DDX60: variants seen among roughly 807,000 people sequenced by gnomAD.
The protein encoded by DDX60 is DExD/H-box helicase 60, also known as probable ATP-dependent RNA helicase DDX60.
In DDX60, 165 loss-of-function variants were observed where a neutral mutation model predicts 212.8. The observed-to-expected ratio is 0.78, with a 90% CI of 0.68 to 0.88. The LOEUF (loss-of-function observed/expected upper bound fraction) is 0.88. DDX60 is among the 40% of genes least tolerant of loss of function. The probability of loss-of-function intolerance (pLI) is 0.00; values close to 1 mark genes in which losing one functional copy is unlikely to be tolerated. For missense variants in DDX60, 1,905 were observed against 2,003.9 expected (o/e 0.95, Z 0.94); for synonymous variants, 703 against 685.3 (o/e 1.03, Z -0.40).
At chr4:168,292,449 G>C (rs1384488232) in intron 7 of DDX60, among the ~76,000 whole-genome samples, 1 of 152,128 alleles carries the variant, frequency 6.6e-6, no homozygotes, top group African/African-American at 2.4e-5. Flanking sequence ...ATGGGAAGCT[G>C]CTGGCTTAAT....
At chr4:168,270,919 C>T (rs1735068812) in intron 19 of DDX60, among the ~76,000 whole-genome samples, 1 of 143,500 alleles carries the variant, frequency 7.0e-6, no homozygotes, top group African/African-American at 2.6e-5. Flanking sequence ...GCTCTGGTAC[C>T]CAGGCTGGAG....
chr4:168,285,953 G>A (rs57994689), intron 10 of DDX60, among the ~76,000 whole-genome samples: 34 of 125,628 alleles, frequency 2.7e-4, no homozygotes, highest in African/African-American at 7.5e-4. Flanking sequence ...GGAAGGGAGG[G>A]AGGGAAAGGA....
chr4:168,242,547 C>T lies in DDX60; in HGVS notation c.4164+3871G>A, dbSNP rs185232496. On this transcript the variant is annotated intron_variant, in intron 30 of 37. Transcript: ENST00000393743. ...TTTTGAGCTTTAAGATTTGACTTTC[C>T]CACTGGATTTTGGACTTGCATGGGG... Among the ~76,000 whole-genome samples, 16 of 152,246 alleles carry T rather than the reference C, an allele frequency of 1.1e-4. No individual in the cohort carries two copies. In the East Asian group the frequency reaches 1.9e-3, roughly 18 times the overall value.
chr4:168,244,804 A>T (rs966866458), intron 30 of DDX60, among the ~76,000 whole-genome samples: 1 of 152,116 alleles, frequency 6.6e-6, no homozygotes, highest in Non-Finnish European at 1.5e-5. Context: ...TAAAATCCAC[A>T]TTTGCATTAT....
chr4:168,284,346 A>G (rs908119859), intron 12 of DDX60, among the ~76,000 whole-genome samples: 1 of 152,156 alleles, frequency 6.6e-6, no homozygotes, highest in Admixed American at 6.5e-5. Context: ...GGATACAGAA[A>G]GTTGAGATGA....
chr4:168,297,510 T>C (rs1054431694), intron 6 of DDX60, among the ~76,000 whole-genome samples: 2 of 151,582 alleles, frequency 1.3e-5, no homozygotes, highest in Non-Finnish European at 2.9e-5. Context: ...TCAATAAAAT[T>C]TAATGAAGAC....
chr4:168,276,257 T>C, intron 14 of DDX60, 76 bp from the exon 15 acceptor site: 3 of 1,233,106 alleles, frequency 2.4e-6, no homozygotes, highest in South Asian at 1.5e-5. Context: ...AGATTAATCA[T>C]CTAGATGGCC....
intron 3 of DDX60, among the ~76,000 whole-genome samples, chr4:168,309,485 C>A (rs1737037107): frequency 6.6e-6 from 1 of 151,374 alleles, no homozygotes; most frequent in African/African-American, 2.4e-5. Flanking sequence ...TCATAAAAAT[C>A]TTGCATTTTT....
chr4:168,320,310 A>G (rs1476713014), upstream of DDX60, among the ~76,000 whole-genome samples: 1 of 152,190 alleles, frequency 6.6e-6, no homozygotes, highest in Non-Finnish European at 1.5e-5. Flanking sequence ...GGGCCTTTAT[A>G]AGAGGGAGAC....
chr4:168,278,834 GA>G (rs966911124), intron 14 of DDX60, among the ~76,000 whole-genome samples: 4 of 151,984 alleles, frequency 2.6e-5, no homozygotes, highest in Non-Finnish European at 5.9e-5. Flanking sequence ...CTCAAAAACA[GA>G]ACAAAACAAA....
chr4:168,237,745 G>T lies in DDX60; in HGVS notation c.4215C>A (p.Val1405=). Reference sequence around the variant, plus strand: ...GGAAGTAAAGTTTTAACATGTCCATGACTCTGGGTTGCTTGAAGGACAGCA... The same window carrying T: ...GGAAGTAAAGTTTTAACATGTCCATTACTCTGGGTTGCTTGAAGGACAGCA... ...HSLLSFKQPR[V]MDMLKLYFLF... is the part of the protein sequence containing the mutation. The change falls in exon 31 of 38, where the codon GTC becomes GTA. Residue 1405 remains valine, a synonymous_variant. Transcript: ENST00000393743. The T allele has an allele frequency of 6.2e-7, 1 of 1,611,974 alleles. No homozygotes were observed. Among genetic ancestry groups the T allele is most frequent in the South Asian group, 1.1e-5 (1 of 90,942 alleles).
At chr4:168,224,491 TG>T in intron 34 of DDX60, 106 bp from the exon 35 acceptor site, 13 of 1,080,896 alleles carry the variant, frequency 1.2e-5, no homozygotes, top group Non-Finnish European at 1.8e-5. Flanking sequence ...TTCAGCTTCA[TG>T]TAATGAAGAC....
chr4:168,264,366 C>CTATATTATATAAGGA (rs1560837728), intron 22 of DDX60, among the ~76,000 whole-genome samples: 1 of 152,106 alleles, frequency 6.6e-6, no homozygotes, highest in Non-Finnish European at 1.5e-5. Flanking sequence ...ATGCTAAGGA[C>CTATATTATATAAGGA]TATATTATAT....
Position 168,293,907 on chromosome 4 carries a change from T to C in DDX60, c.762A>G (p.Pro254=). The C allele has an allele frequency of 1.1e-5, 17 of 1,613,988 alleles. No individual in the cohort carries two copies. The highest frequency in any genetic ancestry group is 1.4e-5 in the Non-Finnish European group (17 of 1,179,970). Residue 254 remains proline, a synonymous_variant, in exon 7 of 38, where the codon CCA becomes CCG. Coordinates refer to ENST00000393743, the MANE Select transcript of DDX60 (RefSeq NM_017631.6). ...AGACACGCCGAATGTCAGATCCTTC[T>C]GGCCAGACTTGTGTAAGCAGAGATA... ...KTVSLLTQVW[P]EGSDIRRVFC...
intron 14 of DDX60, among the ~76,000 whole-genome samples, chr4:168,278,412 T>G (rs1336444559): frequency 6.6e-6 from 1 of 152,228 alleles, no homozygotes; most frequent in East Asian, 1.9e-4. Flanking sequence ...CTGAAAGCAT[T>G]GAATCTGTAT....
rs1301611788 is a variant in DDX60 at position 168,221,845 on chromosome 4, C to A, written c.4861G>T (p.Ala1621Ser). ...LGTIGVNRSQ[A>S]PVLLSQKFDN... ...AATTTCTGTGACAACAGCACTGGAG[C>A]CTGAGAGCGATTGACACCGATTGTG... Residue 1621 changes from alanine (A) to serine (S), a missense_variant, in exon 36 of 38, where the codon GCT becomes TCT. Ala to Ser is a moderately conservative substitution (Grantham distance 99). Coordinates refer to ENST00000393743, the MANE Select transcript of DDX60 (RefSeq NM_017631.6). 6 of 1,612,922 alleles carry A rather than the reference C, an allele frequency of 3.7e-6. No individual in the cohort carries two copies. The highest frequency in any genetic ancestry group is 5.1e-6 in the Non-Finnish European group (6 of 1,179,306).
intron 6 of DDX60, 22 bp downstream of exon 6, chr4:168,302,278 G>T: frequency 1.5e-6 from 2 of 1,313,770 alleles, no homozygotes; most frequent in Non-Finnish European, 1.0e-6. Context: ...CAAATACAAA[G>T]CTTTTTAAAA....
chr4:168,245,237 A>T (rs1733981733), intron 30 of DDX60, among the ~76,000 whole-genome samples: 1 of 152,198 alleles, frequency 6.6e-6, no homozygotes, highest in South Asian at 2.1e-4. Flanking sequence ...AAAGAAAAAG[A>T]TTCATATAAT....
Position 168,255,711 on chromosome 4 carries a change from A to G in DDX60, c.3557T>C (p.Ile1186Thr). The change falls in exon 26 of 38, where the codon ATA becomes ACA. Residue 1186 changes from isoleucine to threonine, a missense_variant and splice_region_variant. Physicochemically the swap from Ile to Thr is moderately conservative, Grantham distance 89. Coordinates refer to ENST00000393743, the MANE Select transcript of DDX60 (RefSeq NM_017631.6). ...TCAATTTGTTTAGTTAACTACTTAC[A>G]TGATCTTTTGTTTCTCTATGGATTT... ...VKKSIEKQKI[I>T]DEKSQKKTRN... 6.3e-7 allele frequency: 1 copy of G among 1,583,568 alleles called. No homozygotes were observed. The highest frequency in any genetic ancestry group is 1.2e-5 in the South Asian group (1 of 84,598).
Sources: gnomAD v4.1 joint callset for allele counts (sites outside exome capture counted in the v4.1 genomes callset) on GRCh38, gnomAD v4.1.1 for gene constraint, MANE v1.5 for transcripts, NCBI Gene and HGNC (gene_info 2026-07-23, HGNC 2026-07-21) for gene names.